HNRNPUL1: variants seen among roughly 807,000 people sequenced by gnomAD.
HNRNPUL1 encodes the protein heterogeneous nuclear ribonucleoprotein U-like protein 1.
In HNRNPUL1, 14 loss-of-function variants were observed where a neutral mutation model predicts 108.5. The observed-to-expected ratio is 0.13, with a 90% confidence interval of 0.09 to 0.20. The LOEUF (loss-of-function observed/expected upper bound fraction) is 0.20, where lower values mean the gene tolerates loss of function less well. HNRNPUL1 is among the 10% of genes least tolerant of loss of function. HNRNPUL1 has a pLI of 1.00. For synonymous variants in HNRNPUL1, 422 were observed against 445.2 expected (o/e 0.95, Z 0.66); for missense variants, 804 against 1,168.3 (o/e 0.69, Z 4.55).
In HNRNPUL1 at chr19:41,306,597, T is replaced by G. The variant is rs746159786; in HGVS notation, c.*32T>G. The G allele has an allele frequency of 7.2e-7, 1 of 1,393,396 alleles. No individual in the cohort carries two copies. The highest frequency in any genetic ancestry group is 9.6e-7 in the Non-Finnish European group (1 of 1,041,962). The allele number at this position is 1,393,396 out of a possible 1,614,324, so 86.3% of individuals were successfully genotyped here. A position where few individuals can be genotyped will look rare whatever the true frequency, so the allele number is the denominator to read the frequency against. On this transcript the variant is annotated 3_prime_UTR_variant, in exon 15 of 15. Transcript: ENST00000392006. ...TGACCCAGAGGCTCCCGGAGGCCCC[T>G]GCCGGCTTCCTCCACCAGCGCCTGC...
chr19:41,275,546 C>A (rs1457007398), intron 4 of HNRNPUL1, among the ~76,000 whole-genome samples: 1 of 152,098 alleles, frequency 6.6e-6, no homozygotes, highest in African/African-American at 2.4e-5. Context: ...AGCAAATACA[C>A]ATCCCCACCA....
chr19:41,271,964 A>G (rs1232584910), intron 2 of HNRNPUL1, 118 bp from the exon 3 acceptor site: 3 of 1,160,266 alleles, frequency 2.6e-6, no homozygotes, highest in African/African-American at 3.1e-5. Context: ...GCCTGTGCCC[A>G]GCCCTTCATC....
chr19:41,276,633 T>G, intron 5 of HNRNPUL1: 1 of 188,952 alleles, frequency 5.3e-6, no homozygotes. Context: ...AAGAATAGAC[T>G]CAGATGTCAC....
chr19:41,263,705 T>C (rs1449471150), upstream of HNRNPUL1, among the ~76,000 whole-genome samples: 1 of 152,214 alleles, frequency 6.6e-6, no homozygotes, highest in African/African-American at 2.4e-5. Flanking sequence ...TACAGCGAAA[T>C]TTGTGAGGCA....
chr19:41,286,209 G>C (rs544698268), intron 7 of HNRNPUL1, among the ~76,000 whole-genome samples: 2 of 148,086 alleles, frequency 1.4e-5, no homozygotes, highest in African/African-American at 5.0e-5. Context: ...AGTATTTCTA[G>C]TCATAGGGAT....
intron 6 of HNRNPUL1, 180 bp from the exon 7 acceptor site, chr19:41,280,983 A>G (rs1284201386): frequency 1.8e-6 from 1 of 555,916 alleles, no homozygotes; most frequent in Non-Finnish European, 3.2e-6. Flanking sequence ...AAGCCCTCCA[A>G]GTTCTACATC....
intron 2 of HNRNPUL1, 22 bp downstream of exon 2, chr19:41,268,367 ATC>A: frequency 6.2e-7 from 1 of 1,610,476 alleles, no homozygotes; most frequent in Non-Finnish European, 8.5e-7. Flanking sequence ...CACATGGTTC[ATC>A]TCTTTGGATG....
chr19:41,274,407 G>A (rs778457683), intron 4 of HNRNPUL1, among the ~76,000 whole-genome samples: 5 of 152,188 alleles, frequency 3.3e-5, no homozygotes, highest in Admixed American at 6.5e-5. Context: ...CATCTAATCA[G>A]GAAGGGAATC....
chr19:41,270,167 G>A (rs1344521237), intron 2 of HNRNPUL1, among the ~76,000 whole-genome samples: 1 of 152,128 alleles, frequency 6.6e-6, no homozygotes, highest in Non-Finnish European at 1.5e-5. Context: ...ATTTTCAGTA[G>A]TGACGGGGTT....
intron 7 of HNRNPUL1, among the ~76,000 whole-genome samples, chr19:41,282,409 C>T (rs531388180): frequency 1.3e-5 from 2 of 152,136 alleles, no homozygotes; most frequent in East Asian, 3.9e-4. Flanking sequence ...CTCGAACTCC[C>T]GACCTCAGAT....
At position 41,283,276 on chromosome 19, in the gene HNRNPUL1, CTG is replaced by C. The variant is rs573392833; in HGVS notation, c.999+2003_999+2004del. Among the ~76,000 whole-genome samples, 804 of 152,142 alleles carry C rather than the reference CTG, an allele frequency of 5.3e-3. 7 individuals are homozygous for C. Among genetic ancestry groups the C allele is most frequent in the Middle Eastern group, 0.034 (10 of 294 alleles). On this transcript the variant is annotated intron_variant, in intron 7 of 14. Coordinates refer to ENST00000392006, the MANE Select transcript of HNRNPUL1 (RefSeq NM_007040.6). The stretch of plus-strand genomic sequence containing the variant: ...CAAACAGTACAGTATTAAATCATAA[CTG>C]TTTTTATTTTATTTTTTTGAAGACA...
intron 5 of HNRNPUL1, 45 bp downstream of exon 5, chr19:41,276,343 A>G: frequency 1.3e-6 from 2 of 1,561,282 alleles, no homozygotes; most frequent in South Asian, 1.2e-5. Flanking sequence ...AAGTCCATCC[A>G]TTGTAATATC....
At chr19:41,305,502 C>T (rs778212374) in intron 13 of HNRNPUL1, 174 bp from the exon 14 acceptor site, 4 of 777,370 alleles carry the variant, frequency 5.1e-6, no homozygotes, top group Non-Finnish European at 8.4e-6. Context: ...TCCTGCCCTA[C>T]CATGGCATGG....
At chr19:41,264,044 A>G (rs938044010), upstream of HNRNPUL1, among the ~76,000 whole-genome samples, 6 of 152,176 alleles carry the variant, frequency 3.9e-5, no homozygotes, top group African/African-American at 1.4e-4. Flanking sequence ...GCCGTGGGAC[A>G]CTCATTCTGA....
chr19:41,293,907 T>C (rs574710090), intron 8 of HNRNPUL1, among the ~76,000 whole-genome samples: 2 of 152,036 alleles, frequency 1.3e-5, no homozygotes, highest in Non-Finnish European at 2.9e-5. Context: ...CTCTGGAGGC[T>C]GATGTAGAAG....
At chr19:41,281,646 T>C (rs1004754374) in intron 7 of HNRNPUL1, among the ~76,000 whole-genome samples, 3 of 152,152 alleles carry the variant, frequency 2.0e-5, no homozygotes, top group Admixed American at 6.5e-5. Flanking sequence ...TCTTGCCCCA[T>C]GTTGGCATCA....
At chr19:41,266,306 G>C (rs937987967) in intron 1 of HNRNPUL1, among the ~76,000 whole-genome samples, 1 of 152,000 alleles carries the variant, frequency 6.6e-6, no homozygotes, top group African/African-American at 2.4e-5. Context: ...GGTGGTGTGC[G>C]CCTGTAGTCC....
At chr19:41,271,552 A>G (rs912670558) in intron 2 of HNRNPUL1, among the ~76,000 whole-genome samples, 5 of 152,196 alleles carry the variant, frequency 3.3e-5, no homozygotes, top group Non-Finnish European at 7.4e-5. Context: ...AAGGTAGCCT[A>G]CATCTGTGGT....
Position 41,269,032 on chromosome 19 carries a change from T to C in HNRNPUL1, c.418+687T>C, listed in dbSNP as rs554715946. The stretch of plus-strand genomic sequence containing the variant: ...TGTTTCAGGGGATATTATTAGGGGA[T>C]TCTCAGAAAAGGGTTCCTTAGCCAA... On this transcript the variant is annotated intron_variant, in intron 2 of 14. Transcript: ENST00000392006. Among the ~76,000 whole-genome samples the C allele has an allele frequency of 2.0e-5, 3 of 152,208 alleles. No homozygotes were observed. The East Asian group carries it at 5.8e-4, about 29-fold the overall frequency.
Sources: gnomAD v4.1 joint callset for allele counts (sites outside exome capture counted in the v4.1 genomes callset) on GRCh38, gnomAD v4.1.1 for gene constraint, MANE v1.5 for transcripts, NCBI Gene and HGNC (gene_info 2026-07-23, HGNC 2026-07-21) for gene names.